Variants in SPECC1 observed in about 807,000 individuals in gnomAD.
The protein encoded by SPECC1 is sperm antigen with calponin homology and coiled-coil domains 1.
SPECC1 carries 62 observed loss-of-function variants against 104.1 expected under a neutral mutation model. The ratio of observed to expected loss-of-function variants is 0.60; its 90% CI spans 0.49 to 0.74. SPECC1 has a LOEUF of 0.74. SPECC1 is among the 30% of genes least tolerant of loss of function. SPECC1 has a pLI of 0.00. For missense variants in SPECC1, 1,306 were observed against 1,310.5 expected, an observed-to-expected ratio of 1.00 and a Z score of 0.05; for synonymous variants, 513 against 501.6, an observed-to-expected ratio of 1.02 and a Z score of -0.30.
intron 3 of SPECC1, among the ~76,000 whole-genome samples, chr17:20,125,007 C>T (rs557903738): frequency 5.9e-5 from 9 of 152,126 alleles, no homozygotes; most frequent in Admixed American, 2.0e-4. Flanking sequence ...GGTAAAACCC[C>T]GTCTCTACTA....
At chr17:20,198,972 T>A (rs2036220105) in intron 3 of SPECC1, among the ~76,000 whole-genome samples, 1 of 152,108 alleles carries the variant, frequency 6.6e-6, no homozygotes, top group Admixed American at 6.6e-5. Context: ...TTCATCTGGG[T>A]AGAGAAATCT....
chr17:20,122,858 G>A (rs1405398555), intron 3 of SPECC1, among the ~76,000 whole-genome samples: 1 of 152,244 alleles, frequency 6.6e-6, no homozygotes, highest in East Asian at 1.9e-4. Flanking sequence ...TGGATATACC[G>A]TATCTTCTTT....
chr17:20,242,003 GTT>G (rs2039223350), intron 7 of SPECC1, among the ~76,000 whole-genome samples: 1 of 152,200 alleles, frequency 6.6e-6, no homozygotes, highest in Admixed American at 6.6e-5. Context: ...TTGTTCAGGT[GTT>G]CAGTAAAGAG....
At chr17:20,211,716 T>C (rs1179417352) in intron 4 of SPECC1, among the ~76,000 whole-genome samples, 2 of 152,232 alleles carry the variant, frequency 1.3e-5, no homozygotes, top group African/African-American at 4.8e-5. Context: ...GACAGTCAGA[T>C]AGTTTGAGGA....
intron 1 of SPECC1, among the ~76,000 whole-genome samples, chr17:20,053,098 CT>C (rs2045835355): frequency 6.6e-6 from 1 of 152,196 alleles, no homozygotes; most frequent in African/African-American, 2.4e-5. Flanking sequence ...TCCCTGTCTA[CT>C]GATTTATTCT....
intron 1 of SPECC1, among the ~76,000 whole-genome samples, chr17:20,016,390 G>A (rs976960847): frequency 2.0e-5 from 3 of 152,200 alleles, no homozygotes; most frequent in South Asian, 4.1e-4. Flanking sequence ...TCAGCCCACC[G>A]CTGCACTGTG....
At chr17:20,048,679 G>A (rs2045632050) in intron 1 of SPECC1, among the ~76,000 whole-genome samples, 1 of 152,086 alleles carries the variant, frequency 6.6e-6, no homozygotes, top group Admixed American at 6.5e-5. Context: ...CCTGAGGTGG[G>A]TGGATTGCTT....
Position 20,315,917 on chromosome 17 carries a change from G to A in SPECC1, c.*1852G>A, listed in dbSNP as rs1339915710. ...GTTAACTTCAGAATGTCTGGAATGG[G>A]ACCAGAGATGCAGTTCACATGTTTT... On this transcript the variant is annotated 3_prime_UTR_variant, in exon 15 of 15. Transcript: ENST00000395527. The A allele has an allele frequency of 1.7e-5, 4 of 232,534 alleles. No homozygotes were observed. The highest frequency in any genetic ancestry group is 3.4e-5 in the Non-Finnish European group (4 of 117,650). The allele number at this position is 232,534 out of a possible 1,614,324, so 14.4% of individuals were successfully genotyped here.
intron 1 of SPECC1, among the ~76,000 whole-genome samples, chr17:20,036,119 T>C (rs2045067726): frequency 6.6e-6 from 1 of 151,630 alleles, no homozygotes; most frequent in Admixed American, 6.6e-5. Flanking sequence ...CTGCTTTGCA[T>C]TTAAGAAAAG....
intron 3 of SPECC1, among the ~76,000 whole-genome samples, chr17:20,177,747 T>C (rs534677778): frequency 9.2e-5 from 14 of 152,330 alleles, no homozygotes; most frequent in African/African-American, 3.4e-4. Flanking sequence ...TCTTTCTCTG[T>C]CGCCCAGGCT....
chr17:20,129,431 A>G (rs541522882), intron 3 of SPECC1, among the ~76,000 whole-genome samples: 21 of 147,648 alleles, frequency 1.4e-4, no homozygotes, highest in African/African-American at 4.8e-4. Flanking sequence ...CTCGTGATCT[A>G]CGCACCTCGG....
intron 1 of SPECC1, among the ~76,000 whole-genome samples, chr17:20,025,784 A>G (rs1463214883): frequency 6.6e-6 from 1 of 152,222 alleles, no homozygotes; most frequent in Non-Finnish European, 1.5e-5. Context: ...AGGAGCTGCC[A>G]GACTGTTTTC....
At chr17:20,247,162 T>C in intron 8 of SPECC1, 57 bp from the exon 9 acceptor site, 2 of 1,356,442 alleles carry the variant, frequency 1.5e-6, no homozygotes, top group Non-Finnish European at 2.1e-6. Flanking sequence ...CAGGAACAAG[T>C]ATATGCTATT....
At chr17:20,237,028 A>G in intron 7 of SPECC1, 5 of 1,531,262 alleles carry the variant, frequency 3.3e-6, no homozygotes, top group South Asian at 1.2e-5. Context: ...TCTGTTTCTC[A>G]GAGTCATTGC....
intron 12 of SPECC1, among the ~76,000 whole-genome samples, chr17:20,277,769 TC>T (rs532815293): frequency 1.1e-3 from 165 of 152,304 alleles, no homozygotes; most frequent in African/African-American, 3.8e-3. Flanking sequence ...TAACCACCGT[TC>T]CGCTTCGTCT....
At chr17:20,164,415 C>T (rs1351779026) in intron 3 of SPECC1, among the ~76,000 whole-genome samples, 1 of 152,082 alleles carries the variant, frequency 6.6e-6, no homozygotes, top group African/African-American at 2.4e-5. Context: ...GGTCCTCTCA[C>T]CTAAGCCTCC....
At chr17:20,070,039 T>C (rs1412463262) in intron 1 of SPECC1, among the ~76,000 whole-genome samples, 4 of 152,144 alleles carry the variant, frequency 2.6e-5, no homozygotes, top group East Asian at 1.9e-4. Flanking sequence ...TTTATACATA[T>C]AAGAGCATGT....
chr17:20,124,097 A>G (rs772182317), intron 3 of SPECC1, among the ~76,000 whole-genome samples: 14 of 152,098 alleles, frequency 9.2e-5, no homozygotes, highest in Admixed American at 1.3e-4. Flanking sequence ...CTTGGATGCC[A>G]CAGAAGGAGG....
At chr17:20,153,195 G>T (rs2032171928) in intron 3 of SPECC1, among the ~76,000 whole-genome samples, 1 of 152,220 alleles carries the variant, frequency 6.6e-6, no homozygotes, top group Admixed American at 6.5e-5. Context: ...GAATATAGCA[G>T]ATATGAAAGC....
Sources: allele counts gnomAD v4.1 joint callset (sites outside exome capture counted in the v4.1 genomes callset), GRCh38; gene constraint gnomAD v4.1.1; transcripts MANE v1.5; gene names NCBI Gene and HGNC (gene_info 2026-07-23, HGNC 2026-07-21).